The following PGBD5 variants were observed in gnomAD, a reference collection of about 807,000 sequenced individuals.
The protein encoded by PGBD5 is piggyBac transposable element-derived protein 5.
In PGBD5, 14 loss-of-function variants were observed where a neutral mutation model predicts 47.9. The ratio of observed to expected loss-of-function variants is 0.29; its 90% CI spans 0.19 to 0.46. The LOEUF is 0.46. PGBD5 is among the 20% of genes least tolerant of loss of function. The pLI, the probability that PGBD5 is intolerant of heterozygous loss-of-function variation, is 1.00. For synonymous variants in PGBD5, 316 were observed against 306.3 expected (o/e 1.03, Z -0.33); for missense variants, 635 against 716.0 (o/e 0.89, Z 1.29).
chr1:230,363,850 AT>A (rs61429033), intron 1 of PGBD5, among the ~76,000 whole-genome samples: 10,675 of 152,246 alleles, frequency 0.07, 1,258 homozygotes, highest in African/African-American at 0.24. Flanking sequence ...TATTCCTATC[AT>A]TTGAGACACA....
chr1:230,425,568 C>T lies in PGBD5; in HGVS notation c.331+30G>A. 2 of 1,217,590 alleles carry T rather than the reference C, an allele frequency of 1.6e-6. No individual in the cohort carries two copies. The highest frequency in any genetic ancestry group is 2.0e-6 in the Non-Finnish European group (2 of 978,782). 75.4% of individuals were successfully genotyped at this position (1,217,590 alleles called of 1,614,324 possible). The stretch of plus-strand genomic sequence containing the variant: ...CCCCGCGCCCGGTTCCAGCGCCGCC[C>T]CCGACATCCACCCGCGGGCAGCCCC... On this transcript the variant is annotated intron_variant, in intron 1 of 6. Transcript: ENST00000391860. The surrounding 1 kb of genome is among the most constrained non-coding windows in gnomAD (Gnocchi z 4.7).
At chr1:230,377,780 T>C in intron 1 of PGBD5, 3 of 1,238,428 alleles carry the variant, frequency 2.4e-6, no homozygotes, top group Non-Finnish European at 2.1e-6. Flanking sequence ...AGCATCCGGC[T>C]CATACATTTG....
At chr1:230,404,977 G>GTT (rs201730767) in intron 1 of PGBD5, among the ~76,000 whole-genome samples, 1 of 129,958 alleles carries the variant, frequency 7.7e-6, no homozygotes, top group Admixed American at 8.0e-5. Context: ...CAGCTATCAA[G>GTT]TTTTTTTTTT....
At chr1:230,339,545 G>A (rs1376428837) in intron 3 of PGBD5, among the ~76,000 whole-genome samples, 1 of 152,152 alleles carries the variant, frequency 6.6e-6, no homozygotes, top group Non-Finnish European at 1.5e-5. Flanking sequence ...ATCTCTAAGA[G>A]ATACCTGCAC....
chr1:230,393,317 G>A (rs1021041862), intron 1 of PGBD5, among the ~76,000 whole-genome samples: 2 of 151,154 alleles, frequency 1.3e-5, no homozygotes, highest in Non-Finnish European at 2.9e-5. Flanking sequence ...GGGGAGGGGC[G>A]TGCTGTGCTC....
At position 230,425,935 on chromosome 1, in the gene PGBD5, G is replaced by C; in HGVS notation, c.-7C>G. Reference sequence around the variant, plus strand: ...CCCCGCCGCCCTCGGCCATGGCCCCGGCCGCCGCCCGCGCGCCCGCCCCCA... The same window carrying C: ...CCCCGCCGCCCTCGGCCATGGCCCCCGCCGCCGCCCGCGCGCCCGCCCCCA... On this transcript the variant is annotated 5_prime_UTR_variant, in exon 1 of 7. Transcript: ENST00000391860. This position sits in a 1 kb window ranked among gnomAD's most constrained non-coding sequence, Gnocchi z 4.7. The C allele has an allele frequency of 1.1e-6, 1 of 948,966 alleles. No homozygotes were observed. Among genetic ancestry groups the C allele is most frequent in the Non-Finnish European group, 1.2e-6 (1 of 824,720 alleles). 58.8% of individuals were successfully genotyped at this position (948,966 alleles called of 1,614,324 possible). A position where few individuals can be genotyped will look rare whatever the true frequency, so the allele number is the denominator to read the frequency against.
At chr1:230,325,935 C>T (rs571499632) in intron 5 of PGBD5, among the ~76,000 whole-genome samples, 1 of 145,118 alleles carries the variant, frequency 6.9e-6, no homozygotes, top group South Asian at 2.5e-4. Flanking sequence ...TGCAGAGTCA[C>T]CCCGCACAGA....
At chr1:230,371,404 G>C (rs1375445252) in intron 1 of PGBD5, among the ~76,000 whole-genome samples, 1 of 152,164 alleles carries the variant, frequency 6.6e-6, no homozygotes, top group African/African-American at 2.4e-5. Flanking sequence ...CCAGTGGAAG[G>C]CAACCAGCTG....
rs2102807691 is a variant in PGBD5 at position 230,321,258 on chromosome 1, A to C, written c.*2167T>G. On this transcript the variant is annotated 3_prime_UTR_variant, in exon 7 of 7. Coordinates refer to ENST00000391860, the MANE Select transcript of PGBD5 (RefSeq NM_001258311.2). ...TTTAAACTGCTCAGTGGTTTGAGAC[A>C]CCAAGAACAGTTAATATCATACACA... The C allele has an allele frequency of 1.3e-5, 2 of 152,386 alleles. No homozygotes were observed. The highest frequency in any genetic ancestry group is 3.4e-3 in the Middle Eastern group (1 of 294). 9.4% of individuals were successfully genotyped at this position (152,386 alleles called of 1,614,324 possible). A position where few individuals can be genotyped will look rare whatever the true frequency, so the allele number is the denominator to read the frequency against.
At chr1:230,415,716 A>G (rs1657498041) in intron 1 of PGBD5, among the ~76,000 whole-genome samples, 1 of 152,178 alleles carries the variant, frequency 6.6e-6, no homozygotes, top group African/African-American at 2.4e-5. Context: ...TCTCACTCCA[A>G]GAGGTGCAGC....
intron 1 of PGBD5, among the ~76,000 whole-genome samples, chr1:230,384,211 C>CA (rs1656582525): frequency 1.3e-5 from 2 of 152,098 alleles, no homozygotes; most frequent in Admixed American, 1.3e-4. Flanking sequence ...GTCATGTTAA[C>CA]AAAAACAACA....
chr1:230,414,750 T>C lies in PGBD5; in HGVS notation c.331+10848A>G, dbSNP rs563143332. 2.0e-5 allele frequency among the ~76,000 whole-genome samples: 3 copies of C among 152,280 alleles called. No individual in the cohort carries two copies. The East Asian group carries it at 5.8e-4, about 29-fold the overall frequency. ...CTAAAGAGCAAACCAAATAGGACAT[T>C]TGTATTCACCTTCGATGCTGGGACC... On this transcript the variant is annotated intron_variant, in intron 1 of 6. Transcript: ENST00000391860.
At chr1:230,342,641 C>T (rs1448408670) in intron 3 of PGBD5, among the ~76,000 whole-genome samples, 2 of 152,158 alleles carry the variant, frequency 1.3e-5, no homozygotes, top group Admixed American at 6.5e-5. Flanking sequence ...TACATGGGCA[C>T]GGGCTCTGTC....
intron 1 of PGBD5, among the ~76,000 whole-genome samples, chr1:230,412,701 T>C (rs2102750843): frequency 6.6e-6 from 1 of 152,218 alleles, no homozygotes; most frequent in East Asian, 1.9e-4. Context: ...CCTAAAGTCT[T>C]TATCCTCATC....
At chr1:230,356,799 G>A in intron 2 of PGBD5, 95 bp downstream of exon 2, 1 of 1,353,388 alleles carries the variant, frequency 7.4e-7, no homozygotes, top group Non-Finnish European at 1.0e-6. Context: ...GGCAGGCAGG[G>A]CAGGAAGGAC....
intron 3 of PGBD5, among the ~76,000 whole-genome samples, chr1:230,338,671 A>G (rs7532897): frequency 0.92 from 140,288 of 152,148 alleles, 65,733 homozygotes; most frequent in East Asian, 1. Flanking sequence ...GTGGTGGCAG[A>G]TGCCTGTAAT....
At chr1:230,367,323 C>T (rs1490429361) in intron 1 of PGBD5, among the ~76,000 whole-genome samples, 2 of 152,182 alleles carry the variant, frequency 1.3e-5, no homozygotes, top group Admixed American at 6.5e-5. Context: ...TCCTGCCCTC[C>T]AGGGACCACC....
intron 1 of PGBD5, among the ~76,000 whole-genome samples, chr1:230,379,074 C>T (rs535325106): frequency 5.3e-5 from 8 of 152,144 alleles, no homozygotes; most frequent in Non-Finnish European, 8.8e-5. Context: ...CCAACCATGG[C>T]CTCACTCACA....
chr1:230,354,595 C>T (rs1292932177), intron 2 of PGBD5, among the ~76,000 whole-genome samples: 1 of 152,134 alleles, frequency 6.6e-6, no homozygotes, highest in Non-Finnish European at 1.5e-5. Flanking sequence ...AAAGAAATGG[C>T]ATCATAAAAA....
Sources: allele counts gnomAD v4.1 joint callset (sites outside exome capture counted in the v4.1 genomes callset), GRCh38; gene constraint gnomAD v4.1.1; non-coding constraint Gnocchi (gnomAD v3.1); transcripts MANE v1.5; gene names NCBI Gene and HGNC (gene_info 2026-07-23, HGNC 2026-07-21).